The following SCFD1 variants were observed in gnomAD, a reference collection of about 807,000 sequenced individuals.
SCFD1 encodes sec1 family domain containing 1.
SCFD1 carries 37 observed loss-of-function variants against 103.2 expected under a neutral mutation model. The observed-to-expected ratio is 0.36, with a 90% confidence interval of 0.28 to 0.47. The LOEUF is 0.47. Among genes scored for constraint, SCFD1 ranks in the 20% least tolerant of loss-of-function variants. The pLI is 1.00. For synonymous variants in SCFD1, 264 were observed against 245.0 expected, an observed-to-expected ratio of 1.08 and a Z score of -0.73; for missense variants, 639 against 761.2, an observed-to-expected ratio of 0.84 and a Z score of 1.89.
intron 4 of SCFD1, among the ~76,000 whole-genome samples, 186 bp downstream of exon 4, chr14:30,634,223 T>C (rs1884473863): frequency 6.6e-6 from 1 of 152,174 alleles, no homozygotes; most frequent in African/African-American, 2.4e-5. Flanking sequence ...GAAGAAGTAT[T>C]ATACAGTAGT....
rs1212889503 is a variant in SCFD1 at position 30,644,054 on chromosome 14, C to T, written c.613+649C>T. 4 of 446,498 alleles carry T rather than the reference C, an allele frequency of 9.0e-6. No individual in the cohort carries two copies. In the Admixed American group the frequency reaches 9.7e-5, roughly 11 times the overall value. The allele number at this position is 446,498 out of a possible 1,614,324, so 27.7% of individuals were successfully genotyped here. On this transcript the variant is annotated intron_variant, in intron 7 of 24. Coordinates refer to ENST00000458591, the MANE Select transcript of SCFD1 (RefSeq NM_016106.4). ...ATATCTATTATTCTCATCTTTGTGTCTTTTCTTTTTGTTTAGCTCCCACTT... is the reference window on the plus strand; with the variant it reads ...ATATCTATTATTCTCATCTTTGTGTTTTTTCTTTTTGTTTAGCTCCCACTT...
chr14:30,714,099 G>A (rs1292848475), intron 19 of SCFD1, among the ~76,000 whole-genome samples: 1 of 151,878 alleles, frequency 6.6e-6, no homozygotes, highest in African/African-American at 2.4e-5. Flanking sequence ...TGTAATCCCA[G>A]CACTTTGGGA....
At chr14:30,661,314 A>C (rs967798465) in intron 10 of SCFD1, among the ~76,000 whole-genome samples, 2 of 152,184 alleles carry the variant, frequency 1.3e-5, no homozygotes, top group Non-Finnish European at 2.9e-5. Flanking sequence ...GATGACTGTT[A>C]TGTAAAGCAG....
At chr14:30,683,503 GC>G in intron 14 of SCFD1, 1 of 325,480 alleles carries the variant, frequency 3.1e-6, no homozygotes, top group Non-Finnish European at 5.9e-6. Flanking sequence ...CTGTTGTTTT[GC>G]CCATGGGACC....
chr14:30,715,971 A>G lies in SCFD1; in HGVS notation c.1677A>G (p.Ser559=). The change falls in exon 20 of 25, where the codon TCA becomes TCG. Residue 559 remains serine, a synonymous_variant. Coordinates refer to ENST00000458591, the MANE Select transcript of SCFD1 (RefSeq NM_016106.4). The part of the protein sequence containing the change: ...RILDNLMEMK[S]NPETDDYRYF... ...TGGACAATCTTATGGAGATGAAGTCAAACCCCGTGAGTACCATATAACATA... is the reference window on the plus strand; with the variant it reads ...TGGACAATCTTATGGAGATGAAGTCGAACCCCGTGAGTACCATATAACATA... The G allele has an allele frequency of 6.5e-7, 1 of 1,541,600 alleles. No individual in the cohort carries two copies. The highest frequency in any genetic ancestry group is 8.9e-7 in the Non-Finnish European group (1 of 1,122,738).
At position 30,735,594 on chromosome 14, in the gene SCFD1, A is replaced by G; in HGVS notation, c.1914A>G (p.Gln638=). 1 of 1,590,788 alleles carries G rather than the reference A, an allele frequency of 6.3e-7. No homozygotes were observed. Among genetic ancestry groups the G allele is most frequent in the Non-Finnish European group, 8.6e-7 (1 of 1,163,854 alleles). ...TTTGTGTTTTGTTTTAGTTGTCACA[A>G]CTTGGACAAAAGTAACACAGAAGAA... The part of the protein sequence containing the change: ...NATQFIKQLS[Q]LGQK Residue 638 remains glutamine (Q), a synonymous_variant, in exon 25 of 25, where the codon CAA becomes CAG. Transcript: ENST00000458591.
In SCFD1 at chr14:30,622,337, A is replaced by AGAT; in HGVS notation, c.1_3dup. 2 of 1,579,548 alleles carry AGAT rather than the reference A, an allele frequency of 1.3e-6. No homozygotes were observed. Among genetic ancestry groups the AGAT allele is most frequent in the Non-Finnish European group, 1.7e-6 (2 of 1,163,634 alleles). The stretch of plus-strand genomic sequence containing the variant: ...GCCGGGCAGTGGCTCGTGGGAGCCA[A>AGAT]GATGGCGGCGGCGGCGGCAGCGACA... On this transcript the variant is annotated 5_prime_UTR_variant, in exon 1 of 25. The change creates a new upstream start codon in the 5' untranslated region. Coordinates refer to ENST00000458591, the MANE Select transcript of SCFD1 (RefSeq NM_016106.4).
intron 1 of SCFD1, among the ~76,000 whole-genome samples, chr14:30,624,438 A>G (rs1883180157): frequency 6.6e-6 from 1 of 152,186 alleles, no homozygotes; most frequent in Non-Finnish European, 1.5e-5. Context: ...AGTTAATGGC[A>G]GTTCCGTCCT....
intron 17 of SCFD1, among the ~76,000 whole-genome samples, chr14:30,704,498 G>C (rs28483238): frequency 0.085 from 12,989 of 152,044 alleles, 1,181 homozygotes; most frequent in African/African-American, 0.23. Flanking sequence ...TTGTTGTTTA[G>C]ATATTGTTTC....
At chr14:30,695,182 G>A (rs1304653244) in intron 15 of SCFD1, among the ~76,000 whole-genome samples, 1 of 152,126 alleles carries the variant, frequency 6.6e-6, no homozygotes, top group Non-Finnish European at 1.5e-5. Flanking sequence ...AACATTCAAA[G>A]CAAGTGTCTC....
intron 2 of SCFD1, among the ~76,000 whole-genome samples, chr14:30,629,558 A>G (rs1883878812): frequency 6.6e-6 from 1 of 151,582 alleles, no homozygotes; most frequent in Non-Finnish European, 1.5e-5. Context: ...AAGTCTATCA[A>G]ATACTCTTTA....
chr14:30,679,728 C>G (rs988151153), intron 14 of SCFD1, among the ~76,000 whole-genome samples: 3 of 150,850 alleles, frequency 2.0e-5, no homozygotes, highest in Non-Finnish European at 4.4e-5. Flanking sequence ...TAACTGATCA[C>G]TATTGCTCCT....
intron 9 of SCFD1, 27 bp downstream of exon 9, chr14:30,650,677 A>C: frequency 8.0e-7 from 1 of 1,250,464 alleles, no homozygotes; most frequent in Non-Finnish European, 1.2e-6. Context: ...ATACACTTGT[A>C]AGACTTTAAA....
chr14:30,641,233 A>C (rs1168240024), intron 6 of SCFD1, among the ~76,000 whole-genome samples: 1 of 152,204 alleles, frequency 6.6e-6, no homozygotes, highest in Non-Finnish European at 1.5e-5. Context: ...ATATGATTAT[A>C]TTAATAGCGT....
chr14:30,731,681 GTGATTTTTGCACAT>G (rs1190392826), intron 23 of SCFD1, among the ~76,000 whole-genome samples: 1 of 152,230 alleles, frequency 6.6e-6, no homozygotes, highest in East Asian at 1.9e-4. Context: ...GGGAATGCTT[GTGATTTTTGCACAT>G]TGATTTTTGT....
rs1882931311 is a variant in SCFD1, at chr14:30,622,416, T to C, written c.61+17T>C. ...GGCAGACAGGTACTGACTTATTCTC[T>C]TCTCCTTGAAGCTTCGTGACTGCCC... On this transcript the variant is annotated intron_variant, in intron 1 of 24. Transcript: ENST00000458591. 6.4e-7 allele frequency: 1 copy of C among 1,550,718 alleles called. No individual in the cohort carries two copies. The highest frequency in any genetic ancestry group is 2.0e-5 in the Admixed American group (1 of 50,996).
intron 15 of SCFD1, among the ~76,000 whole-genome samples, chr14:30,696,109 G>A (rs1890682851): frequency 6.6e-6 from 1 of 152,100 alleles, no homozygotes; most frequent in South Asian, 2.1e-4. Flanking sequence ...TATTTAAGCT[G>A]CATAATTATG....
At chr14:30,639,701 G>A (rs1885077064) in intron 5 of SCFD1, 76 bp from the exon 6 acceptor site, 1 of 1,402,560 alleles carries the variant, frequency 7.1e-7, no homozygotes, top group Admixed American at 2.8e-5. Flanking sequence ...CCATTGGTAG[G>A]TTAGAGCAAA....
intron 14 of SCFD1, among the ~76,000 whole-genome samples, chr14:30,678,241 G>C (rs1451034655): frequency 1.3e-5 from 2 of 152,134 alleles, no homozygotes; most frequent in East Asian, 3.8e-4. Flanking sequence ...TTTGTTTAGA[G>C]TATAACCGCT....
Sources: allele counts gnomAD v4.1 joint callset (sites outside exome capture counted in the v4.1 genomes callset), GRCh38; gene constraint gnomAD v4.1.1; transcripts MANE v1.5; gene names NCBI Gene and HGNC (gene_info 2026-07-23, HGNC 2026-07-21).